Variants in TMEFF1 observed in about 807,000 individuals in gnomAD.
TMEFF1 encodes the protein tomoregulin-1.
TMEFF1 carries 20 observed loss-of-function variants against 47.5 expected under a neutral mutation model. That is an observed-to-expected ratio of 0.42 (90% confidence interval 0.30 to 0.61). The LOEUF is 0.61. Among genes scored for constraint, TMEFF1 ranks in the 20% least tolerant of loss-of-function variants. TMEFF1 has a pLI of 0.19. For synonymous variants in TMEFF1, 162 were observed against 166.3 expected, an observed-to-expected ratio of 0.97 and a Z score of 0.20; for missense variants, 411 against 471.1, an observed-to-expected ratio of 0.87 and a Z score of 1.18.
intron 5 of TMEFF1, among the ~76,000 whole-genome samples, chr9:100,535,964 A>G (rs1838495651): frequency 1.3e-5 from 2 of 152,016 alleles, no homozygotes; most frequent in African/African-American, 4.8e-5. Context: ...TTATTATATT[A>G]CTCCTTTAAA....
intron 5 of TMEFF1, among the ~76,000 whole-genome samples, chr9:100,542,314 TA>T (rs1415835663): frequency 6.6e-6 from 1 of 152,154 alleles, no homozygotes. Flanking sequence ...ATTTCCAGCT[TA>T]AAAAAATTTA....
chr9:100,501,107 A>G (rs1258866572), intron 2 of TMEFF1, among the ~76,000 whole-genome samples: 1 of 152,200 alleles, frequency 6.6e-6, no homozygotes, highest in African/African-American at 2.4e-5. Flanking sequence ...TATCTGGTTC[A>G]TTAAAAGAAA....
chr9:100,559,882 A>C (rs1004164660), intron 7 of TMEFF1, among the ~76,000 whole-genome samples: 1 of 152,156 alleles, frequency 6.6e-6, no homozygotes, highest in Admixed American at 6.6e-5. Flanking sequence ...TTGAGGAAAA[A>C]TAATATCATT....
At chr9:100,493,981 A>G (rs991912181) in intron 1 of TMEFF1, among the ~76,000 whole-genome samples, 9 of 152,214 alleles carry the variant, frequency 5.9e-5, no homozygotes, top group African/African-American at 1.7e-4. Context: ...CCAAGAATTC[A>G]AGATCAGCCT....
intron 5 of TMEFF1, among the ~76,000 whole-genome samples, chr9:100,524,791 A>G (rs556704647): frequency 6.6e-6 from 1 of 152,300 alleles, no homozygotes; most frequent in African/African-American, 2.4e-5. Flanking sequence ...CATGTGCACA[A>G]CGTGCAGATT....
At chr9:100,513,988 A>T (rs921212769) in intron 4 of TMEFF1, among the ~76,000 whole-genome samples, 5 of 152,232 alleles carry the variant, frequency 3.3e-5, no homozygotes, top group Non-Finnish European at 7.3e-5. Flanking sequence ...TGGTAATAGC[A>T]TATAATGGAG....
rs751302016 is a variant in TMEFF1, at chr9:100,550,107, C to T, written c.722C>T (p.Thr241Ile). The T allele has an allele frequency of 1.2e-6, 2 of 1,610,846 alleles. No individual in the cohort carries two copies. The highest frequency in any genetic ancestry group is 2.7e-5 in the African/African-American group (2 of 74,854). The part of the protein sequence containing the change: ...HLGHCTDTDD[T>I]SLLGKKDDGL... ...TCTTCTCTTACAGATACAGATGACA[C>T]TAGTTTGTTGGGAAAGAAAGATGAT... The change falls in exon 7 of 10, where the codon ACT becomes ATT. Residue 241 changes from threonine to isoleucine, a missense_variant. Thr to Ile is a moderately conservative substitution (Grantham distance 89). Transcript: ENST00000374879.
chr9:100,573,597 C>T (rs1373508097), intron 9 of TMEFF1, among the ~76,000 whole-genome samples: 3 of 152,162 alleles, frequency 2.0e-5, no homozygotes, highest in South Asian at 4.1e-4. Context: ...ATCATTTCTC[C>T]ACTTCCCTGC....
At chr9:100,527,923 C>T (rs944120939) in intron 5 of TMEFF1, among the ~76,000 whole-genome samples, 1 of 152,208 alleles carries the variant, frequency 6.6e-6, no homozygotes, top group African/African-American at 2.4e-5. Flanking sequence ...CCTCAAGTGG[C>T]TCCCTGACAC....
chr9:100,526,366 C>A (rs1838253107), intron 5 of TMEFF1, among the ~76,000 whole-genome samples: 1 of 152,016 alleles, frequency 6.6e-6, no homozygotes, highest in Non-Finnish European at 1.5e-5. Context: ...ATTTCCCTTC[C>A]TCTTTTTTCT....
At chr9:100,498,619 T>C in intron 1 of TMEFF1, 146 bp from the exon 2 acceptor site, 1 of 600,936 alleles carries the variant, frequency 1.7e-6, no homozygotes, top group Non-Finnish European at 2.7e-6. Context: ...GAATTTCTTT[T>C]TGTATAGTTA....
intron 1 of TMEFF1, among the ~76,000 whole-genome samples, chr9:100,478,382 G>A (rs1199925272): frequency 2.0e-5 from 3 of 152,100 alleles, no homozygotes; most frequent in African/African-American, 4.8e-5. Context: ...GTGTAGTGAC[G>A]CAATCTCAGC....
chr9:100,543,270 C>T (rs1310669104), intron 5 of TMEFF1, among the ~76,000 whole-genome samples: 1 of 152,144 alleles, frequency 6.6e-6, no homozygotes, highest in Admixed American at 6.6e-5. Context: ...AGACTCTCTG[C>T]TGTGGTCTGG....
chr9:100,513,443 A>G (rs1464882521), intron 4 of TMEFF1, 110 bp downstream of exon 4: 3 of 1,341,960 alleles, frequency 2.2e-6, no homozygotes, highest in Non-Finnish European at 3.0e-6. Flanking sequence ...CACATACCAT[A>G]TAATTTGCCA....
At chr9:100,544,259 C>T (rs141806621) in intron 5 of TMEFF1, among the ~76,000 whole-genome samples, 2 of 152,246 alleles carry the variant, frequency 1.3e-5, no homozygotes, top group East Asian at 3.9e-4. Context: ...TAAAGACATA[C>T]TAGACACTGG....
At chr9:100,530,382 A>G (rs1177383218) in intron 5 of TMEFF1, among the ~76,000 whole-genome samples, 2 of 152,152 alleles carry the variant, frequency 1.3e-5, no homozygotes, top group African/African-American at 2.4e-5. Context: ...AAATAGACGC[A>G]ATAAAAAATG....
intron 2 of TMEFF1, among the ~76,000 whole-genome samples, chr9:100,505,286 C>A (rs1376615245): frequency 6.6e-6 from 1 of 151,438 alleles, no homozygotes; most frequent in Non-Finnish European, 1.5e-5. Flanking sequence ...GTGGTGTGTG[C>A]CTGTAATCCC....
chr9:100,509,449 A>T (rs1837921202), intron 3 of TMEFF1, among the ~76,000 whole-genome samples: 1 of 152,108 alleles, frequency 6.6e-6, no homozygotes, highest in Admixed American at 6.5e-5. Flanking sequence ...GTGGGGAATG[A>T]TAGGGGATCT....
intron 8 of TMEFF1, among the ~76,000 whole-genome samples, chr9:100,562,356 A>G (rs539272882): frequency 6.6e-5 from 10 of 152,228 alleles, no homozygotes; most frequent in African/African-American, 2.4e-4. Context: ...CAAAAAAATA[A>G]GAGGAAGCAA....
Sources: allele counts gnomAD v4.1 joint callset (sites outside exome capture counted in the v4.1 genomes callset), GRCh38; gene constraint gnomAD v4.1.1; transcripts MANE v1.5; gene names NCBI Gene and HGNC (gene_info 2026-07-23, HGNC 2026-07-21).